GLG1: variants seen among roughly 807,000 people sequenced by gnomAD.
GLG1 encodes Golgi apparatus protein 1.
In GLG1, 38 loss-of-function variants were observed where a neutral mutation model predicts 160.5. That is an observed-to-expected ratio of 0.24 (90% confidence interval 0.18 to 0.31). The LOEUF (loss-of-function observed/expected upper bound fraction) is 0.31. Among genes scored for constraint, GLG1 ranks in the 10% least tolerant of loss-of-function variants. GLG1 has a pLI of 1.00. For synonymous variants in GLG1, 644 were observed against 543.4 expected (o/e 1.19, Z -2.57); for missense variants, 1,373 against 1,505.2 (o/e 0.91, Z 1.45).
At chr16:74,498,568 T>C (rs2016296291) in intron 4 of GLG1, among the ~76,000 whole-genome samples, 1 of 142,972 alleles carries the variant, frequency 7.0e-6, no homozygotes, top group South Asian at 2.2e-4. Context: ...AATCTGCATA[T>C]AATAAAAAGA....
chr16:74,587,562 C>A (rs903170001), intron 1 of GLG1, among the ~76,000 whole-genome samples: 2 of 152,190 alleles, frequency 1.3e-5, no homozygotes, highest in African/African-American at 4.8e-5. Context: ...GGAATTAGCA[C>A]ATGAGGACCT....
rs751908451 is a variant in GLG1 at position 74,463,375 on chromosome 16, G to A, written c.2772C>T (p.Arg924=). 6.2e-7 allele frequency: 1 copy of A among 1,614,084 alleles called. No individual in the cohort carries two copies. The highest frequency in any genetic ancestry group is 1.7e-5 in the Admixed American group (1 of 60,014). The change falls in exon 20 of 26, where the codon CGC becomes CGT. Residue 924 remains arginine (R), a synonymous_variant. Transcript: ENST00000422840. ...DPKCKQMITK[R]QITQNTDYRL... Reference sequence around the variant, plus strand: ...TCTTACCTGTGTTCTGGGTGATCTGGCGCTTGGTTATCATCTGTTTGCATT... The same window carrying A: ...TCTTACCTGTGTTCTGGGTGATCTGACGCTTGGTTATCATCTGTTTGCATT...
intron 1 of GLG1, among the ~76,000 whole-genome samples, chr16:74,560,870 C>A (rs2018492681): frequency 6.6e-6 from 1 of 151,590 alleles, no homozygotes; most frequent in South Asian, 2.1e-4. Context: ...AAGAGAGAAG[C>A]AATTCTGTAT....
chr16:74,605,764 C>T (rs147221524), intron 1 of GLG1, among the ~76,000 whole-genome samples: 1 of 152,154 alleles, frequency 6.6e-6, no homozygotes, highest in Non-Finnish European at 1.5e-5. Flanking sequence ...AAAACAGTAT[C>T]AAGTGGTAGC....
At chr16:74,475,530 G>A (rs114857419) in intron 12 of GLG1, among the ~76,000 whole-genome samples, 11 of 152,292 alleles carry the variant, frequency 7.2e-5, no homozygotes, top group African/African-American at 2.4e-4. Flanking sequence ...ACTAGGGTTT[G>A]GGTACTTAAA....
At chr16:74,599,594 G>C (rs1465801663) in intron 1 of GLG1, among the ~76,000 whole-genome samples, 1 of 152,122 alleles carries the variant, frequency 6.6e-6, no homozygotes, top group Non-Finnish European at 1.5e-5. Flanking sequence ...GCCGGACACA[G>C]TGGCTCACGC....
At chr16:74,538,064 T>C (rs1265363728) in intron 1 of GLG1, among the ~76,000 whole-genome samples, 1 of 151,174 alleles carries the variant, frequency 6.6e-6, no homozygotes, top group African/African-American at 2.4e-5. Flanking sequence ...TGGAACATTC[T>C]ACAGTTTCCA....
intron 4 of GLG1, among the ~76,000 whole-genome samples, chr16:74,498,467 T>TATATATATATA (rs1555510304): frequency 5.4e-5 from 3 of 55,880 alleles, no homozygotes; most frequent in Non-Finnish European, 1.1e-4. Context: ...TATATATATA[T>TATATATATATA]TATATTTTAT....
At chr16:74,497,767 C>G (rs2016253176) in intron 4 of GLG1, among the ~76,000 whole-genome samples, 1 of 152,132 alleles carries the variant, frequency 6.6e-6, no homozygotes, top group Non-Finnish European at 1.5e-5. Context: ...TAAAAACCAA[C>G]AAACCACATA....
chr16:74,572,964 C>G (rs1040485635), intron 1 of GLG1, among the ~76,000 whole-genome samples: 12 of 152,024 alleles, frequency 7.9e-5, no homozygotes, highest in African/African-American at 2.4e-4. Flanking sequence ...AAGGATTGAG[C>G]TGAATTAGAG....
In GLG1 at chr16:74,453,252, C is replaced by G. The variant is rs756303136; in HGVS notation, c.3455G>C (p.Ser1152Thr). 6.2e-7 allele frequency: 1 copy of G among 1,613,528 alleles called. No homozygotes were observed. ...PSKNYILSVI[S>T]GSICILFLIG... ...CAGGAACAATATACAGATGCTCCCA[C>G]TGATCACAGAGAGAATGTAGTTCTT... The change falls in exon 26 of 26, where the codon AGT becomes ACT. Residue 1152 changes from serine to threonine, a missense_variant. Coordinates refer to ENST00000422840, the MANE Select transcript of GLG1 (RefSeq NM_001145667.2).
chr16:74,513,599 A>C (rs1005863773), intron 2 of GLG1, among the ~76,000 whole-genome samples: 9 of 152,296 alleles, frequency 5.9e-5, no homozygotes, highest in African/African-American at 1.9e-4. Context: ...GAATAGCATC[A>C]ACATCAACAT....
Position 74,493,118 on chromosome 16 carries a change from C to A in GLG1, c.1073G>T (p.Arg358Leu). The A allele has an allele frequency of 6.2e-7, 1 of 1,611,590 alleles. No homozygotes were observed. Among genetic ancestry groups the A allele is most frequent in the South Asian group, 1.1e-5 (1 of 90,714 alleles). The change falls in exon 7 of 26, where the codon CGC (arginine) becomes CTC (leucine). Residue 358 changes from arginine (R) to leucine (L), a missense_variant. By Grantham distance (102) the Arg-to-Leu change is moderately radical. Coordinates refer to ENST00000422840, the MANE Select transcript of GLG1 (RefSeq NM_001145667.2). ...SEKCREALTT[R>L]QKLIAQDYKV... Reference sequence around the variant, plus strand: ...ATAATCCTGGGCAATCAGCTTTTGGCGGGTTGTAAGTGCTTCTCGACACTG... The same window carrying A: ...ATAATCCTGGGCAATCAGCTTTTGGAGGGTTGTAAGTGCTTCTCGACACTG...
rs184360060 is a variant in GLG1, at chr16:74,545,818, G to A, written c.439-13665C>T. ...AAGTTTTACTTAGGAAATGTTTCAT[G>A]CCTACCACTTCCAGTCAATATAATT... is the stretch of plus-strand genomic sequence containing the variant. On this transcript the variant is annotated intron_variant, in intron 1 of 25. Transcript: ENST00000422840. Among the ~76,000 whole-genome samples, 348 of 152,310 alleles carry A rather than the reference G, an allele frequency of 2.3e-3. 1 individual carries two copies. Among genetic ancestry groups the A allele is most frequent in the African/African-American group, 8.1e-3 (336 of 41,572 alleles).
intron 1 of GLG1, among the ~76,000 whole-genome samples, chr16:74,580,510 T>A (rs558316440): frequency 3.3e-5 from 5 of 151,900 alleles, no homozygotes; most frequent in South Asian, 2.1e-4. Context: ...AAAAGAAAAA[T>A]TTTTTTTAAA....
At chr16:74,532,716 C>T (rs940782985) in intron 1 of GLG1, among the ~76,000 whole-genome samples, 10 of 151,888 alleles carry the variant, frequency 6.6e-5, no homozygotes, top group Non-Finnish European at 1.3e-4. Flanking sequence ...TTTATAGAGA[C>T]GGGGTTTCAC....
intron 1 of GLG1, among the ~76,000 whole-genome samples, chr16:74,532,359 A>G (rs1384959503): frequency 6.6e-6 from 1 of 152,096 alleles, no homozygotes; most frequent in African/African-American, 2.4e-5. Context: ...CCAGAAAGGT[A>G]CATGAGACTT....
intron 23 of GLG1, among the ~76,000 whole-genome samples, chr16:74,459,408 G>A (rs2014693593): frequency 6.6e-6 from 1 of 152,192 alleles, no homozygotes; most frequent in South Asian, 2.1e-4. Flanking sequence ...AACCCGGGAG[G>A]CAGAGGTTGC....
At chr16:74,471,773 A>C (rs531592790) in intron 14 of GLG1, among the ~76,000 whole-genome samples, 4 of 152,172 alleles carry the variant, frequency 2.6e-5, no homozygotes, top group Non-Finnish European at 4.4e-5. Flanking sequence ...CCTGCATACT[A>C]ATGGGGGTTT....
Sources: allele counts gnomAD v4.1 joint callset (sites outside exome capture counted in the v4.1 genomes callset), GRCh38; gene constraint gnomAD v4.1.1; transcripts MANE v1.5; gene names NCBI Gene and HGNC (gene_info 2026-07-23, HGNC 2026-07-21).